The following LMBR1 variants were observed in gnomAD, a reference collection of about 807,000 sequenced individuals.
LMBR1 encodes the protein limb region 1 protein homolog.
Under a neutral mutation model 73.9 loss-of-function variants are expected in LMBR1, and 52 were observed. That is an observed-to-expected ratio of 0.70 (90% CI 0.56 to 0.89). The LOEUF (loss-of-function observed/expected upper bound fraction) is 0.89, where lower values mean the gene tolerates loss of function less well. LMBR1 is among the 40% of genes least tolerant of loss of function. The pLI, the probability that LMBR1 is intolerant of heterozygous loss-of-function variation, is 0.00. For missense variants in LMBR1, 539 were observed against 579.8 expected (o/e 0.93, Z 0.72); for synonymous variants, 215 against 209.4 (o/e 1.03, Z -0.23).
chr7:156,881,808 TAA>T (rs60282269), intron 1 of LMBR1, among the ~76,000 whole-genome samples: 10 of 143,476 alleles, frequency 7.0e-5, no homozygotes, highest in Admixed American at 7.0e-5. Flanking sequence ...TGGCTATGAT[TAA>T]AAAAAAAAAA....
chr7:156,737,419 T>A (rs1206739167), intron 9 of LMBR1, among the ~76,000 whole-genome samples: 4 of 152,138 alleles, frequency 2.6e-5, no homozygotes, highest in Non-Finnish European at 5.9e-5. Context: ...TCCATTTTCA[T>A]GTACTGTGTT....
rs936214072 is a variant in LMBR1 at position 156,678,506 on chromosome 7, G to A, written c.*5572C>T. 4 of 152,126 alleles carry A rather than the reference G, an allele frequency of 2.6e-5. No individual in the cohort carries two copies. The highest frequency in any genetic ancestry group is 4.8e-5 in the African/African-American group (2 of 41,424). 9.4% of individuals were successfully genotyped at this position (152,126 alleles called of 1,614,324 possible). Reference sequence around the variant, plus strand: ...CTTCTCTGGACAATTTGAAGATAACGCCACATTGTCAGGTCAAGTCAGGAA... The same window carrying A: ...CTTCTCTGGACAATTTGAAGATAACACCACATTGTCAGGTCAAGTCAGGAA... On this transcript the variant is annotated 3_prime_UTR_variant, in exon 17 of 17. Coordinates refer to ENST00000353442, the MANE Select transcript of LMBR1 (RefSeq NM_022458.4).
At chr7:156,794,171 A>G (rs544650263) in intron 5 of LMBR1, among the ~76,000 whole-genome samples, 3 of 152,204 alleles carry the variant, frequency 2.0e-5, no homozygotes, top group South Asian at 2.1e-4. Context: ...CAGTCATTCA[A>G]TATTTCAGTC....
chr7:156,839,678 C>T (rs560971105), intron 1 of LMBR1, among the ~76,000 whole-genome samples: 1 of 152,198 alleles, frequency 6.6e-6, no homozygotes, highest in East Asian at 1.9e-4. Flanking sequence ...GAATGACAAA[C>T]GGAGAATGAA....
intron 1 of LMBR1, among the ~76,000 whole-genome samples, chr7:156,892,175 C>T (rs191163629): frequency 2.2e-3 from 334 of 152,364 alleles, no homozygotes; most frequent in African/African-American, 7.2e-3. Flanking sequence ...GAAGCTGCTT[C>T]CCTAAGAAGT....
chr7:156,761,124 C>A (rs1431493511), intron 8 of LMBR1, among the ~76,000 whole-genome samples: 1 of 152,150 alleles, frequency 6.6e-6, no homozygotes, highest in African/African-American at 2.4e-5. Context: ...AGCAAGTTCG[C>A]TCATGAGCTA....
chr7:156,792,065 C>T (rs1356488188), intron 5 of LMBR1, among the ~76,000 whole-genome samples: 2 of 152,030 alleles, frequency 1.3e-5, no homozygotes, highest in African/African-American at 2.4e-5. Flanking sequence ...TGCCTAACTA[C>T]CATTTAAACA....
Position 156,746,048 on chromosome 7 carries a change from G to A in LMBR1, c.757+10345C>T, listed in dbSNP as rs189416051. Among the ~76,000 whole-genome samples the A allele has an allele frequency of 4.9e-4, 75 of 152,280 alleles. 1 individual carries two copies. The highest frequency in any genetic ancestry group is 1.7e-3 in the African/African-American group (71 of 41,556). On this transcript the variant is annotated intron_variant, in intron 9 of 16. Transcript: ENST00000353442. ...GGGGGAAGCAATTAAGTTACATAAC[G>A]AATGAGTATTTCCATATAATGTGAT...
chr7:156,712,727 T>C (rs2132210979), intron 15 of LMBR1, among the ~76,000 whole-genome samples: 1 of 152,288 alleles, frequency 6.6e-6, no homozygotes, highest in Admixed American at 6.5e-5. Flanking sequence ...ATGGGTGGAA[T>C]CATCATCTTA....
intron 4 of LMBR1, among the ~76,000 whole-genome samples, chr7:156,824,662 C>A (rs930064933): frequency 6.6e-6 from 1 of 151,872 alleles, no homozygotes; most frequent in Non-Finnish European, 1.5e-5. Flanking sequence ...GGAAACATGG[C>A]AAAACCCTGT....
intron 1 of LMBR1, among the ~76,000 whole-genome samples, chr7:156,838,629 T>G (rs1020451524): frequency 2.6e-5 from 4 of 152,220 alleles, no homozygotes; most frequent in African/African-American, 9.6e-5. Context: ...TGGCAGACAC[T>G]TAGGTTGATT....
intron 9 of LMBR1, among the ~76,000 whole-genome samples, chr7:156,739,763 T>C (rs1334386044): frequency 6.6e-6 from 1 of 152,170 alleles, no homozygotes; most frequent in African/African-American, 2.4e-5. Context: ...CCGGAAAGCC[T>C]TCCCAAGAAA....
chr7:156,699,308 G>T (rs1262278346), intron 15 of LMBR1, among the ~76,000 whole-genome samples: 1 of 152,096 alleles, frequency 6.6e-6, no homozygotes, highest in Non-Finnish European at 1.5e-5. Context: ...ATGGGGAAAG[G>T]ATTCCCTATT....
Position 156,892,938 on chromosome 7 carries a change from C to G in LMBR1, c.56G>C (p.Arg19Pro). ...AREQHFHSQVRESTICFLLFA... is the reference protein window; with the variant it reads ...AREQHFHSQVPESTICFLLFA... ...TCGGTCCCCACGCACCGTGGACTCC[C>G]GCACTTGGCTGTGGAAGTGCTGCTC... Residue 19 changes from arginine (R) to proline (P), a missense_variant, in exon 1 of 17, where the codon CGG becomes CCG. Arg to Pro is a moderately radical substitution (Grantham distance 103). Coordinates refer to ENST00000353442, the MANE Select transcript of LMBR1 (RefSeq NM_022458.4). The G allele has an allele frequency of 1.3e-6, 2 of 1,538,420 alleles. No individual in the cohort carries two copies. The highest frequency in any genetic ancestry group is 1.7e-6 in the Non-Finnish European group (2 of 1,150,216).
Position 156,727,911 on chromosome 7 carries a change from T to C in LMBR1, c.993+19A>G, listed in dbSNP as rs374894183. The C allele has an allele frequency of 1.9e-6, 3 of 1,581,434 alleles. No individual in the cohort carries two copies. Among genetic ancestry groups the C allele is most frequent in the Non-Finnish European group, 2.6e-6 (3 of 1,151,570 alleles). On this transcript the variant is annotated intron_variant, in intron 12 of 16. Coordinates refer to ENST00000353442, the MANE Select transcript of LMBR1 (RefSeq NM_022458.4). ...AATACTTTTGCAAAAGAAAGACATTTTAAAGGATTTTACTTTACCCTTGTT... is the reference window on the plus strand; with the variant it reads ...AATACTTTTGCAAAAGAAAGACATTCTAAAGGATTTTACTTTACCCTTGTT...
rs577746029 is a variant in LMBR1, at chr7:156,758,607, G to C, written c.685-2142C>G. On this transcript the variant is annotated intron_variant, in intron 8 of 16. Transcript: ENST00000353442. ...ACATGACAGCAGGTTGTTTAAAAGAGTATGGACCTCTCTCTCGCCTGCTCC... is the reference window on the plus strand; with the variant it reads ...ACATGACAGCAGGTTGTTTAAAAGACTATGGACCTCTCTCTCGCCTGCTCC... Among the ~76,000 whole-genome samples, 4 of 152,216 alleles carry C rather than the reference G, an allele frequency of 2.6e-5. No homozygotes were observed. The East Asian group carries it at 7.7e-4, about 29-fold the overall frequency.
intron 3 of LMBR1, among the ~76,000 whole-genome samples, chr7:156,827,401 A>G (rs1459895743): frequency 1.3e-5 from 2 of 152,152 alleles, no homozygotes; most frequent in Non-Finnish European, 2.9e-5. Flanking sequence ...GAAGAAAAGC[A>G]TGGACAATAA....
At chr7:156,833,354 C>T (rs564826161) in intron 3 of LMBR1, 1 of 171,772 alleles carries the variant, frequency 5.8e-6, no homozygotes, top group East Asian at 1.8e-4. Context: ...AAGGAACCTA[C>T]AGGACGGTCT....
At position 156,681,137 on chromosome 7, in the gene LMBR1, C is replaced by T; in HGVS notation, c.*2941G>A. The T allele has an allele frequency of 2.3e-6, 1 of 442,598 alleles. No homozygotes were observed. Among genetic ancestry groups the T allele is most frequent in the South Asian group, 1.6e-5 (1 of 60,846 alleles). The allele number at this position is 442,598 out of a possible 1,614,324, so 27.4% of individuals were successfully genotyped here. ...CCTTTATGCATTAAATAACGTGCTA[C>T]CAACAAAACTAGCACATAAGAGCCT... On this transcript the variant is annotated 3_prime_UTR_variant, in exon 17 of 17. Transcript: ENST00000353442.
Sources: allele counts gnomAD v4.1 joint callset (sites outside exome capture counted in the v4.1 genomes callset), GRCh38; gene constraint gnomAD v4.1.1; transcripts MANE v1.5; gene names NCBI Gene and HGNC (gene_info 2026-07-23, HGNC 2026-07-21).